IGF1R: variants seen among roughly 807,000 people sequenced by gnomAD.
The protein encoded by IGF1R is insulin-like growth factor 1 receptor.
IGF1R carries 44 observed loss-of-function variants against 144.6 expected under a neutral mutation model. The observed-to-expected ratio is 0.30, with a 90% CI of 0.24 to 0.39. IGF1R has a LOEUF of 0.39. IGF1R is among the 10% of genes least tolerant of loss of function. The pLI is 1.00. For missense variants in IGF1R, 1,355 were observed against 1,833.7 expected (o/e 0.74, Z 4.77); for synonymous variants, 795 against 722.8 (o/e 1.10, Z -1.60).
intron 1 of IGF1R, among the ~76,000 whole-genome samples, chr15:98,682,405 G>T (rs2053213874): frequency 2.0e-5 from 3 of 152,138 alleles, no homozygotes; most frequent in African/African-American, 7.2e-5. Flanking sequence ...ATGTTTTCAT[G>T]GGGAGAAGTG....
Position 98,960,407 on chromosome 15 carries a change from C to T in IGF1R, c.*2965C>T, listed in dbSNP as rs1596498952. ...CACCAGAGCACACCTGGGGGAGCCACCAGGCTGTCCCTGGCTGGTTGTCTT... is the reference window on the plus strand; with the variant it reads ...CACCAGAGCACACCTGGGGGAGCCATCAGGCTGTCCCTGGCTGGTTGTCTT... On this transcript the variant is annotated 3_prime_UTR_variant, in exon 21 of 21. Transcript: ENST00000650285. 6 of 233,346 alleles carry T rather than the reference C, an allele frequency of 2.6e-5. No homozygotes were observed. The South Asian group carries it at 9.0e-4, about 35-fold the overall frequency. The allele number at this position is 233,346 out of a possible 1,614,324, so 14.5% of individuals were successfully genotyped here.
chr15:98,708,446 A>G (rs1178305822), intron 2 of IGF1R, among the ~76,000 whole-genome samples: 1 of 152,156 alleles, frequency 6.6e-6, no homozygotes, highest in Admixed American at 6.5e-5. Context: ...GAGAAAGGTG[A>G]CCTGGTGTGC....
intron 2 of IGF1R, among the ~76,000 whole-genome samples, chr15:98,871,395 C>T (rs1191832790): frequency 6.6e-6 from 1 of 152,220 alleles, no homozygotes; most frequent in East Asian, 1.9e-4. Context: ...TAATTAATAA[C>T]AAGGGACTTG....
intron 1 of IGF1R, among the ~76,000 whole-genome samples, chr15:98,697,145 C>T (rs959681104): frequency 2.6e-5 from 4 of 152,092 alleles, no homozygotes; most frequent in African/African-American, 9.7e-5. Flanking sequence ...AGGCTGGAGC[C>T]GTGATGGACC....
intron 2 of IGF1R, among the ~76,000 whole-genome samples, chr15:98,736,071 T>C (rs1054046593): frequency 6.6e-6 from 1 of 152,234 alleles, no homozygotes; most frequent in African/African-American, 2.4e-5. Context: ...CATTGATGTA[T>C]CATTTTTATT....
intron 12 of IGF1R, 25 bp downstream of exon 12, chr15:98,924,037 C>G (rs757256283): frequency 1.5e-5 from 24 of 1,608,528 alleles, no homozygotes; most frequent in Non-Finnish European, 2.0e-5. Flanking sequence ...GTGGCCCGTG[C>G]CTGCATGTAC....
chr15:98,885,725 T>C (rs2013606966), intron 2 of IGF1R, among the ~76,000 whole-genome samples: 1 of 152,186 alleles, frequency 6.6e-6, no homozygotes, highest in Non-Finnish European at 1.5e-5. Context: ...TTAGAAATGA[T>C]TGGGGATAAA....
chr15:98,964,397 A>C lies in IGF1R; in HGVS notation c.*6955A>C, dbSNP rs943221185. 3.0e-5 allele frequency: 7 copies of C among 230,308 alleles called. No individual in the cohort carries two copies. The highest frequency in any genetic ancestry group is 1.3e-4 in the African/African-American group (6 of 45,192). 14.3% of individuals were successfully genotyped at this position (230,308 alleles called of 1,614,324 possible). The stretch of plus-strand genomic sequence containing the variant: ...TTCCTGTTATTGCGATATACTCTGG[A>C]TTCTTTACATAATGGAAAAAAGAAA... On this transcript the variant is annotated 3_prime_UTR_variant, in exon 21 of 21. Transcript: ENST00000650285.
intron 2 of IGF1R, among the ~76,000 whole-genome samples, chr15:98,865,072 G>A (rs950559203): frequency 1.3e-5 from 2 of 152,198 alleles, no homozygotes; most frequent in African/African-American, 2.4e-5. Context: ...CTAGGTATCA[G>A]ATCACACATG....
At chr15:98,681,065 T>A (rs1320530348) in intron 1 of IGF1R, among the ~76,000 whole-genome samples, 1 of 152,156 alleles carries the variant, frequency 6.6e-6, no homozygotes, top group South Asian at 2.1e-4. Flanking sequence ...GGCTATACCA[T>A]TGAGGTGTAA....
At chr15:98,913,568 G>C (rs1001053078) in intron 8 of IGF1R, among the ~76,000 whole-genome samples, 1 of 152,202 alleles carries the variant, frequency 6.6e-6, no homozygotes, top group African/African-American at 2.4e-5. Flanking sequence ...CCTGGAAACA[G>C]CCGTCTTCAG....
intron 1 of IGF1R, among the ~76,000 whole-genome samples, chr15:98,652,107 TAGAA>T (rs2052383788): frequency 2.0e-5 from 3 of 152,216 alleles, no homozygotes; most frequent in African/African-American, 7.2e-5. Flanking sequence ...GTGATGGCAG[TAGAA>T]AGAGTGTTGT....
At chr15:98,684,424 G>A (rs982064495) in intron 1 of IGF1R, among the ~76,000 whole-genome samples, 5 of 150,576 alleles carry the variant, frequency 3.3e-5, no homozygotes, top group Admixed American at 6.6e-5. Context: ...GGGTGTGGGC[G>A]GATGAATATA....
chr15:98,661,955 C>CTTTTT (rs1567062333), intron 1 of IGF1R, among the ~76,000 whole-genome samples: 3 of 108,226 alleles, frequency 2.8e-5, no homozygotes, highest in African/African-American at 1.3e-4. Flanking sequence ...TGAATAGGGC[C>CTTTTT]CTTTTTTTTT....
At chr15:98,661,393 G>T (rs998788449) in intron 1 of IGF1R, among the ~76,000 whole-genome samples, 1 of 152,210 alleles carries the variant, frequency 6.6e-6, no homozygotes, top group Non-Finnish European at 1.5e-5. Flanking sequence ...TGAACTTAAT[G>T]AACACCTTAG....
chr15:98,866,853 C>G (rs995465114), intron 2 of IGF1R, among the ~76,000 whole-genome samples: 1 of 152,120 alleles, frequency 6.6e-6, no homozygotes, highest in African/African-American at 2.4e-5. Context: ...AATGTGTGAT[C>G]CTTTTTAGAA....
chr15:98,708,174 C>G, intron 2 of IGF1R, 67 bp downstream of exon 2: 1 of 1,382,100 alleles, frequency 7.2e-7, no homozygotes, highest in Middle Eastern at 2.4e-4. Context: ...CTTGACCTCC[C>G]TTCTCTTCTG....
chr15:98,840,682 T>G (rs541143378), intron 2 of IGF1R, among the ~76,000 whole-genome samples: 41 of 149,932 alleles, frequency 2.7e-4, no homozygotes, highest in East Asian at 1.9e-3. Flanking sequence ...GTTTTGTTTT[T>G]TTTTTTTTTT....
chr15:98,799,613 A>G (rs917549386), intron 2 of IGF1R, among the ~76,000 whole-genome samples: 1 of 152,160 alleles, frequency 6.6e-6, no homozygotes, highest in Non-Finnish European at 1.5e-5. Context: ...CTGTCAGTCC[A>G]CAGGCAGAGG....
Sources: allele counts gnomAD v4.1 joint callset (sites outside exome capture counted in the v4.1 genomes callset), GRCh38; gene constraint gnomAD v4.1.1; transcripts MANE v1.5; gene names NCBI Gene and HGNC (gene_info 2026-07-23, HGNC 2026-07-21).